The following GOLGA4 variants were observed in gnomAD, a reference collection of about 807,000 sequenced individuals.
The protein encoded by GOLGA4 is golgin subfamily A member 4.
Under a neutral mutation model 265.9 loss-of-function variants are expected in GOLGA4, and 169 were observed. That is an observed-to-expected ratio of 0.64 (90% CI 0.56 to 0.72). The LOEUF (loss-of-function observed/expected upper bound fraction) is 0.72. Among genes scored for constraint, GOLGA4 ranks in the 30% least tolerant of loss-of-function variants. The pLI is 0.00. For synonymous variants in GOLGA4, 923 were observed against 855.8 expected, an observed-to-expected ratio of 1.08 and a Z score of -1.37; for missense variants, 2,482 against 2,483.4, an observed-to-expected ratio of 1.00 and a Z score of 0.01.
chr3:37,337,244 G>C, intron 18 of GOLGA4, 81 bp downstream of exon 18: 4 of 768,142 alleles, frequency 5.2e-6, no homozygotes, highest in Non-Finnish European at 8.6e-6. Context: ...CTGTTGCCCA[G>C]GCTGGAGTGC....
In GOLGA4 at chr3:37,325,244, G is replaced by A; in HGVS notation, c.3358G>A (p.Ala1120Thr). The A allele has an allele frequency of 6.2e-7, 1 of 1,612,942 alleles. No homozygotes were observed. Among genetic ancestry groups the A allele is most frequent in the Non-Finnish European group, 8.5e-7 (1 of 1,179,286 alleles). ...ACAGGAACAGTTAAAGCAGAAGTCT[G>A]CCCATGTGAATTCTCTTGCACAAGA... ...ELQEQLKQKS[A>T]HVNSLAQDET... Residue 1120 changes from alanine to threonine, a missense_variant, in exon 14 of 24, where the codon GCC (alanine) becomes ACC (threonine). Ala to Thr is a moderately conservative substitution (Grantham distance 58, BLOSUM62 0). Around this residue, in one of 3 missense-constraint regions of GOLGA4, gnomAD observed 1,536 missense variants for 1,483.7 expected, o/e 1.04. Transcript: ENST00000361924.
In GOLGA4 at chr3:37,329,002, A is replaced by G. The variant is rs1255264362; in HGVS notation, c.6101A>G (p.His2034Arg). ...QEVEAELLESHQEETNQLLKK... is the reference protein window; with the variant it reads ...QEVEAELLESRQEETNQLLKK... ...GTGGAGGCTGAACTTTTAGAAAGCCATCAAGAAGAGACAAATCAGTTACTT... is the reference window on the plus strand; with the variant it reads ...GTGGAGGCTGAACTTTTAGAAAGCCGTCAAGAAGAGACAAATCAGTTACTT... The change falls in exon 16 of 24, where the codon CAT becomes CGT. Residue 2034 changes from histidine (H) to arginine (R), a missense_variant. Physicochemically the swap from His to Arg is conservative, Grantham distance 29. This residue lies in a region of GOLGA4 where 942 missense variants were observed against 983.1 expected (regional missense o/e 0.96). Coordinates refer to ENST00000361924, the MANE Select transcript of GOLGA4 (RefSeq NM_002078.5). The G allele has an allele frequency of 6.2e-7, 1 of 1,610,860 alleles. No homozygotes were observed. The highest frequency in any genetic ancestry group is 1.1e-5 in the South Asian group (1 of 90,450).
intron 10 of GOLGA4, among the ~76,000 whole-genome samples, chr3:37,303,300 G>A (rs1018756029): frequency 2.0e-5 from 3 of 152,214 alleles, no homozygotes; most frequent in African/African-American, 7.2e-5. Context: ...AAACTTAGAA[G>A]CAAAGACAGA....
chr3:37,286,474 C>G (rs1028174585), intron 4 of GOLGA4, among the ~76,000 whole-genome samples: 3 of 152,146 alleles, frequency 2.0e-5, no homozygotes, highest in African/African-American at 7.2e-5. Flanking sequence ...ATTTCTAAGC[C>G]TTCCTTTTAA....
chr3:37,251,851 C>A (rs1296770246), intron 2 of GOLGA4, among the ~76,000 whole-genome samples: 2 of 151,986 alleles, frequency 1.3e-5, no homozygotes, highest in Non-Finnish European at 2.9e-5. Context: ...GCCTGGCTAA[C>A]GTTTAAATTT....
At chr3:37,359,379 A>T (rs903485652) in intron 22 of GOLGA4, among the ~76,000 whole-genome samples, 7 of 152,326 alleles carry the variant, frequency 4.6e-5, no homozygotes, top group Middle Eastern at 6.8e-3. Flanking sequence ...TAATTGGGTA[A>T]CAAGCATCTC....
intron 10 of GOLGA4, among the ~76,000 whole-genome samples, chr3:37,303,487 G>A (rs968224340): frequency 6.6e-6 from 1 of 152,176 alleles, no homozygotes; most frequent in Admixed American, 6.5e-5. Flanking sequence ...ATGAATAGTA[G>A]TGTGGAATTA....
rs2096877137 is a variant in GOLGA4 at position 37,295,987 on chromosome 3, C to T, written c.682-100C>T. 13 of 1,057,062 alleles carry T rather than the reference C, an allele frequency of 1.2e-5. 1 individual carries two copies. The highest frequency in any genetic ancestry group is 1.6e-5 in the Non-Finnish European group (11 of 693,832). The allele number at this position is 1,057,062 out of a possible 1,614,324, so 65.5% of individuals were successfully genotyped here. A position where few individuals can be genotyped will look rare whatever the true frequency, so the allele number is the denominator to read the frequency against. On this transcript the variant is annotated intron_variant, in intron 6 of 23. Coordinates refer to ENST00000361924, the MANE Select transcript of GOLGA4 (RefSeq NM_002078.5). ...GAGCTCCTGCGGATTTTGGTATTAA[C>T]AGGGAATCCTGGAACCAATCCCCCA...
At chr3:37,275,951 G>GA in intron 2 of GOLGA4, 1 of 1,613,506 alleles carries the variant, frequency 6.2e-7, no homozygotes, top group Non-Finnish European at 8.5e-7. Context: ...GAAAGACCTT[G>GA]ACGAAAAGAA....
chr3:37,265,285 A>C (rs1273973840), intron 2 of GOLGA4, among the ~76,000 whole-genome samples: 2 of 152,208 alleles, frequency 1.3e-5, no homozygotes, highest in African/African-American at 4.8e-5. Flanking sequence ...TCTGAAAGAA[A>C]ACTAAAGCAC....
At chr3:37,248,091 G>A (rs1027302569) in intron 1 of GOLGA4, among the ~76,000 whole-genome samples, 5 of 152,080 alleles carry the variant, frequency 3.3e-5, no homozygotes. Flanking sequence ...ACAGGGCAGG[G>A]GTCATTTGGG....
At chr3:37,250,866 G>A (rs955724053) in intron 1 of GOLGA4, among the ~76,000 whole-genome samples, 4 of 152,130 alleles carry the variant, frequency 2.6e-5, no homozygotes, top group Non-Finnish European at 5.9e-5. Context: ...TGGTATTCAA[G>A]GTAGGCTCAA....
intron 2 of GOLGA4, among the ~76,000 whole-genome samples, chr3:37,270,955 G>T (rs1013141345): frequency 6.6e-6 from 1 of 151,986 alleles, no homozygotes; most frequent in African/African-American, 2.4e-5. Context: ...GGTCCCTTCT[G>T]AGGGTGATGG....
intron 21 of GOLGA4, among the ~76,000 whole-genome samples, chr3:37,352,717 G>T (rs1430315626): frequency 1.3e-5 from 2 of 151,422 alleles, no homozygotes; most frequent in Non-Finnish European, 3.0e-5. Flanking sequence ...TTACTGGTTT[G>T]TTCTTCAGAC....
chr3:37,350,218 A>C (rs1394246861), intron 21 of GOLGA4, among the ~76,000 whole-genome samples: 1 of 152,170 alleles, frequency 6.6e-6, no homozygotes, highest in Non-Finnish European at 1.5e-5. Context: ...AGGTGTGGCA[A>C]AGAGCCTGGG....
At chr3:37,312,170 T>A (rs2096924770) in intron 10 of GOLGA4, among the ~76,000 whole-genome samples, 1 of 152,196 alleles carries the variant, frequency 6.6e-6, no homozygotes, top group East Asian at 1.9e-4. Context: ...ATATGCTGGA[T>A]AATAATGAAA....
At position 37,326,494 on chromosome 3, in the gene GOLGA4, G is replaced by C. The variant is rs746143044; in HGVS notation, c.4608G>C (p.Gln1536His). ...TGGAATTAGAGGACCATATTACCCA[G>C]AAAACTATTGAAATAGAGTCCTTAA... is the stretch of plus-strand genomic sequence containing the variant. The part of the protein sequence containing the change: ...RIMELEDHIT[Q>H]KTIEIESLNE... The change falls in exon 14 of 24, where the codon CAG (glutamine) becomes CAC (histidine). Residue 1536 changes from glutamine to histidine, a missense_variant. By Grantham distance (24) the Gln-to-His change is conservative. Transcript: ENST00000361924. 6.2e-7 allele frequency: 1 copy of C among 1,607,088 alleles called. No individual in the cohort carries two copies. Among genetic ancestry groups the C allele is most frequent in the Admixed American group, 1.7e-5 (1 of 59,072 alleles).
At chr3:37,288,418 AT>A (rs550981475) in intron 4 of GOLGA4, among the ~76,000 whole-genome samples, 1 of 126,072 alleles carries the variant, frequency 7.9e-6, no homozygotes, top group African/African-American at 3.0e-5. Context: ...CAGCTTCTTG[AT>A]TTTTTTTAGT....
chr3:37,267,713 AAAG>A (rs1381409933), intron 2 of GOLGA4, among the ~76,000 whole-genome samples: 1 of 152,210 alleles, frequency 6.6e-6, no homozygotes, highest in African/African-American at 2.4e-5. Flanking sequence ...TACAAAAACA[AAAG>A]AAAAGTTTAC....
Sources: gnomAD v4.1 joint callset for allele counts (sites outside exome capture counted in the v4.1 genomes callset) on GRCh38, gnomAD v4.1.1 for gene constraint, gnomAD v4.1.1 regional missense constraint, MANE v1.5 for transcripts, NCBI Gene and HGNC (gene_info 2026-07-23, HGNC 2026-07-21) for gene names.